The following ESYT2 variants were observed in gnomAD, a reference collection of about 807,000 sequenced individuals.
ESYT2 encodes extended synaptotagmin-2.
Under a neutral mutation model 107.2 loss-of-function variants are expected in ESYT2, and 54 were observed. The observed-to-expected ratio is 0.50, with a 90% CI of 0.40 to 0.63. The LOEUF is 0.63. ESYT2 is among the 30% of genes least tolerant of loss of function. ESYT2 has a pLI of 0.00. For synonymous variants in ESYT2, 491 were observed against 434.1 expected (o/e 1.13, Z -1.63); for missense variants, 1,020 against 1,094.5 (o/e 0.93, Z 0.96).
intron 13 of ESYT2, among the ~76,000 whole-genome samples, chr7:158,755,123 T>C (rs1416348436): frequency 6.6e-6 from 1 of 152,202 alleles, no homozygotes; most frequent in African/African-American, 2.4e-5. Flanking sequence ...TTGTCCTAAG[T>C]TTGCAGATGG....
chr7:158,781,081 GAAC>G (rs1403242661), intron 6 of ESYT2, among the ~76,000 whole-genome samples: 3 of 152,196 alleles, frequency 2.0e-5, no homozygotes, highest in Non-Finnish European at 4.4e-5. Context: ...GCAAATGTGA[GAAC>G]AAATGTGAGA....
intron 1 of ESYT2, among the ~76,000 whole-genome samples, chr7:158,804,452 G>GGCGC (rs1563031724): frequency 3.4e-5 from 5 of 147,472 alleles, no homozygotes; most frequent in Admixed American, 2.7e-4. Flanking sequence ...AGAAAGGTGA[G>GGCGC]GTGTGTGACA....
rs59201103 is a variant in ESYT2 at position 158,749,249 on chromosome 7, GGCACCCGGCACC to G, written c.1557+388_1557+399del. 4.3e-3 allele frequency among the ~76,000 whole-genome samples: 654 copies of G among 152,128 alleles called. 4 individuals are homozygous for G. The highest frequency in any genetic ancestry group is 0.015 in the African/African-American group (630 of 41,482). On this transcript the variant is annotated intron_variant, in intron 15 of 22. Coordinates refer to ENST00000275418, the MANE Select transcript of ESYT2 (RefSeq NM_001367773.1). Reference sequence around the variant, plus strand: ...AGCCTCCCGAGTAGCTGGGATTACAGGCACCCGGCACCGCACCCGGCACCATGCCCGACTAAG... The same window carrying G: ...AGCCTCCCGAGTAGCTGGGATTACAGGCACCCGGCACCATGCCCGACTAAG...
In ESYT2 at chr7:158,795,930, G is replaced by A. The variant is rs530137647; in HGVS notation, c.507+2012C>T. Among the ~76,000 whole-genome samples, 6 of 152,336 alleles carry A rather than the reference G, an allele frequency of 3.9e-5. No individual in the cohort carries two copies. The East Asian group carries it at 5.8e-4, about 15-fold the overall frequency. Reference sequence around the variant, plus strand: ...ACACGTAAGGCTGCACAGGAGGCACGGGGTCTGGAGTAACTGCTTCTGAGA... The same window carrying A: ...ACACGTAAGGCTGCACAGGAGGCACAGGGTCTGGAGTAACTGCTTCTGAGA... On this transcript the variant is annotated intron_variant, in intron 3 of 22. Transcript: ENST00000275418.
At chr7:158,780,387 T>C (rs1345415558) in intron 6 of ESYT2, among the ~76,000 whole-genome samples, 1 of 152,170 alleles carries the variant, frequency 6.6e-6, no homozygotes, top group Non-Finnish European at 1.5e-5. Context: ...ACAGCGAACA[T>C]TTACCCTTTT....
intron 1 of ESYT2, among the ~76,000 whole-genome samples, chr7:158,809,479 A>AAAAAAAAC (rs1839931220): frequency 6.7e-6 from 1 of 149,686 alleles, no homozygotes; most frequent in Non-Finnish European, 1.5e-5. Context: ...CATCTCAAAA[A>AAAAAAAAC]AAAAAAAAAA....
chr7:158,742,872 C>T (rs1463792205), intron 17 of ESYT2, among the ~76,000 whole-genome samples: 5 of 152,204 alleles, frequency 3.3e-5, no homozygotes, highest in South Asian at 2.1e-4. Context: ...TCAGGGTTGT[C>T]GCAGCTCCCT....
At chr7:158,742,846 C>T (rs1837262600) in intron 17 of ESYT2, among the ~76,000 whole-genome samples, 1 of 152,212 alleles carries the variant, frequency 6.6e-6, no homozygotes. Context: ...GGCCAAGGAG[C>T]CTTCAGATGA....
Position 158,769,389 on chromosome 7 carries a change from G to C in ESYT2, c.804-1615C>G, listed in dbSNP as rs76825383. ...TCACACACAGACTCCTGGCCTCGGA[G>C]GCCACAGCAGCTCTGACGGAGCTCC... On this transcript the variant is annotated intron_variant, in intron 7 of 22. Coordinates refer to ENST00000275418, the MANE Select transcript of ESYT2 (RefSeq NM_001367773.1). Among the ~76,000 whole-genome samples, 748 of 152,310 alleles carry C rather than the reference G, an allele frequency of 4.9e-3. 46 individuals are homozygous for C. The East Asian group carries it at 0.12, about 24-fold the overall frequency.
chr7:158,803,163 G>A (rs140895366), intron 1 of ESYT2, among the ~76,000 whole-genome samples: 3 of 152,352 alleles, frequency 2.0e-5, no homozygotes, highest in East Asian at 3.9e-4. Context: ...CCAACGCGCC[G>A]TTCCCCGGAG....
At chr7:158,759,976 T>G (rs1837902406) in intron 12 of ESYT2, 82 bp downstream of exon 12, 2 of 1,242,946 alleles carry the variant, frequency 1.6e-6, no homozygotes, top group Non-Finnish European at 2.3e-6. Flanking sequence ...AAAAATCAAG[T>G]AGCAACACAA....
At chr7:158,741,381 T>G in intron 18 of ESYT2, 142 bp downstream of exon 18, 1 of 1,222,682 alleles carries the variant, frequency 8.2e-7, no homozygotes, top group Non-Finnish European at 1.1e-6. Context: ...CAACCTGAAG[T>G]GCTTTCAGTT....
intron 16 of ESYT2, 74 bp downstream of exon 16, chr7:158,748,120 C>A: frequency 1.4e-6 from 2 of 1,406,012 alleles, no homozygotes; most frequent in South Asian, 1.2e-5. Context: ...ACACGGGTCA[C>A]AACTCAGCAA....
chr7:158,778,680 TA>T (rs1838655801), intron 6 of ESYT2, among the ~76,000 whole-genome samples: 1 of 152,210 alleles, frequency 6.6e-6, no homozygotes, highest in Non-Finnish European at 1.5e-5. Context: ...TCTCTCCAGC[TA>T]ACTGACTCAT....
intron 3 of ESYT2, among the ~76,000 whole-genome samples, chr7:158,796,709 G>A (rs577262769): frequency 5.3e-5 from 8 of 152,300 alleles, no homozygotes; most frequent in Admixed American, 3.9e-4. Context: ...ATGGCCTCCC[G>A]GCAGATGGGA....
intron 1 of ESYT2, among the ~76,000 whole-genome samples, chr7:158,809,474 CAAAAAAAAA>C (rs67422901): frequency 4.0e-5 from 2 of 49,744 alleles, no homozygotes; most frequent in African/African-American, 1.8e-4. Context: ...GAATCCATCT[CAAAAAAAAA>C]AAAAAAAAAA....
chr7:158,769,103 G>A (rs1189202), intron 7 of ESYT2, among the ~76,000 whole-genome samples: 143,286 of 152,270 alleles, frequency 0.94, 67,466 homozygotes, highest in Middle Eastern at 0.96. Flanking sequence ...CGTGATAATC[G>A]TCAGCGTTCA....
chr7:158,733,959 A>C lies in ESYT2; in HGVS notation c.*248T>G, dbSNP rs908845204. On this transcript the variant is annotated 3_prime_UTR_variant, in exon 23 of 23. Coordinates refer to ENST00000275418, the MANE Select transcript of ESYT2 (RefSeq NM_001367773.1). ...ACACAGCTGAGCAGAGTCCACAGAC[A>C]CAAGAGCTACCGCCGCCCTACTGCA... 2 of 502,172 alleles carry C rather than the reference A, an allele frequency of 4.0e-6. No homozygotes were observed. Among genetic ancestry groups the C allele is most frequent in the South Asian group, 2.1e-5 (1 of 47,406 alleles). 31.1% of individuals were successfully genotyped at this position (502,172 alleles called of 1,614,324 possible).
intron 4 of ESYT2, among the ~76,000 whole-genome samples, chr7:158,792,909 C>T (rs1051301017): frequency 2.0e-5 from 3 of 151,734 alleles, no homozygotes; most frequent in Non-Finnish European, 4.4e-5. Flanking sequence ...GCTGGGACTA[C>T]AGGCGCCCAC....
Sources: allele counts gnomAD v4.1 joint callset (sites outside exome capture counted in the v4.1 genomes callset), GRCh38; gene constraint gnomAD v4.1.1; transcripts MANE v1.5; gene names NCBI Gene and HGNC (gene_info 2026-07-23, HGNC 2026-07-21).